The following ANO4 variants were observed in gnomAD, a reference collection of about 807,000 sequenced individuals.
The protein encoded by ANO4 is anoctamin 4, also known as anoctamin-4.
ANO4 carries 69 observed loss-of-function variants against 141.9 expected under a neutral mutation model. The ratio of observed to expected loss-of-function variants is 0.49; its 90% CI spans 0.40 to 0.59. The LOEUF (loss-of-function observed/expected upper bound fraction) is 0.59, where lower values mean the gene tolerates loss of function less well. Among genes scored for constraint, ANO4 ranks in the 20% least tolerant of loss-of-function variants. The probability of loss-of-function intolerance (pLI) is 0.00; values close to 1 mark genes in which losing one functional copy is unlikely to be tolerated. For missense variants in ANO4, 894 were observed against 1,162.2 expected, an observed-to-expected ratio of 0.77 and a Z score of 3.36; for synonymous variants, 350 against 394.3, an observed-to-expected ratio of 0.89 and a Z score of 1.33.
In ANO4 at chr12:100,823,672, T is replaced by C. The variant is rs563790588; in HGVS notation, c.-141+28645T>C. Among the ~76,000 whole-genome samples the C allele has an allele frequency of 3.9e-5, 6 of 152,194 alleles. No homozygotes were observed. The South Asian group carries it at 1.2e-3, about 32-fold the overall frequency. On this transcript the variant is annotated intron_variant, in intron 1 of 27. Coordinates refer to ENST00000392977, the MANE Select transcript of ANO4 (RefSeq NM_001286615.2). ...GTATAAGCCAGTAAATCTATTTTTT[T>C]CATAAATGTCCTATCATGTTTTTCC... is the stretch of plus-strand genomic sequence containing the variant.
Position 101,101,639 on chromosome 12 carries a change from G to A in ANO4, c.2149+1919G>A, listed in dbSNP as rs984659678. 5.3e-5 allele frequency among the ~76,000 whole-genome samples: 8 copies of A among 151,750 alleles called. No homozygotes were observed. The East Asian group carries it at 7.7e-4, about 15-fold the overall frequency. On this transcript the variant is annotated intron_variant, in intron 22 of 27. Transcript: ENST00000392977. Reference sequence around the variant, plus strand: ...AGCACTCTAAATAATAATATGCTAGGTAACTGCATTTTAACAAAAGCAAAG... The same window carrying A: ...AGCACTCTAAATAATAATATGCTAGATAACTGCATTTTAACAAAAGCAAAG...
intron 5 of ANO4, among the ~76,000 whole-genome samples, chr12:100,966,127 C>T (rs975319621): frequency 1.3e-5 from 2 of 152,048 alleles, no homozygotes; most frequent in African/African-American, 4.8e-5. Flanking sequence ...TAAATCCTTC[C>T]AAAATACTGG....
chr12:101,081,602 G>A (rs1252776765), intron 15 of ANO4, among the ~76,000 whole-genome samples: 1 of 152,116 alleles, frequency 6.6e-6, no homozygotes, highest in African/African-American at 2.4e-5. Flanking sequence ...ACCCAGACTC[G>A]CTGCAGACCT....
chr12:101,036,111 A>G (rs1370142916), intron 9 of ANO4, among the ~76,000 whole-genome samples: 1 of 152,320 alleles, frequency 6.6e-6, no homozygotes, highest in East Asian at 1.9e-4. Flanking sequence ...AAGGTGCTCA[A>G]TATCACTAAT....
intron 1 of ANO4, among the ~76,000 whole-genome samples, chr12:100,835,715 A>G (rs1047742359): frequency 4.6e-5 from 7 of 152,134 alleles, no homozygotes; most frequent in African/African-American, 1.7e-4. Context: ...AAGGAACACC[A>G]AAATGTAAAA....
intron 8 of ANO4, among the ~76,000 whole-genome samples, chr12:101,018,661 A>G (rs1440381313): frequency 6.6e-6 from 1 of 152,144 alleles, no homozygotes; most frequent in Non-Finnish European, 1.5e-5. Flanking sequence ...CACATCATAA[A>G]TTACCATGAC....
At chr12:100,970,074 G>A (rs538451448) in intron 5 of ANO4, among the ~76,000 whole-genome samples, 1 of 152,184 alleles carries the variant, frequency 6.6e-6, no homozygotes, top group East Asian at 1.9e-4. Flanking sequence ...CCTGAAGGAG[G>A]CAAAGGTCTT....
chr12:101,029,965 C>T (rs2046909463), intron 9 of ANO4, among the ~76,000 whole-genome samples: 1 of 147,776 alleles, frequency 6.8e-6, no homozygotes, highest in African/African-American at 2.5e-5. Context: ...TACAGAAGCA[C>T]CCAGATTCAT....
intron 5 of ANO4, among the ~76,000 whole-genome samples, chr12:100,962,423 G>A (rs748991453): frequency 7.2e-5 from 11 of 151,996 alleles, no homozygotes; most frequent in Admixed American, 5.2e-4. Context: ...GTTTTATATC[G>A]CGGCTGAAGA....
intron 1 of ANO4, among the ~76,000 whole-genome samples, chr12:100,845,148 GT>G (rs2135825957): frequency 6.6e-6 from 1 of 152,294 alleles, no homozygotes; most frequent in Admixed American, 6.5e-5. Context: ...AGTGTTTTGA[GT>G]GGGGTGTAGG....
intron 14 of ANO4, among the ~76,000 whole-genome samples, chr12:101,049,365 C>G (rs2047764404): frequency 6.6e-6 from 1 of 152,152 alleles, no homozygotes; most frequent in Non-Finnish European, 1.5e-5. Flanking sequence ...AGATGTCTTT[C>G]TCCTTTGAAT....
chr12:101,060,748 C>A (rs1404513982), intron 14 of ANO4, among the ~76,000 whole-genome samples: 1 of 151,982 alleles, frequency 6.6e-6, no homozygotes, highest in Non-Finnish European at 1.5e-5. Flanking sequence ...TTCTCCATCC[C>A]TTTATTTTGA....
chr12:100,924,689 ATTACT>A (rs1248051682), intron 3 of ANO4, among the ~76,000 whole-genome samples: 2 of 152,076 alleles, frequency 1.3e-5, no homozygotes, highest in East Asian at 1.9e-4. Flanking sequence ...AAATTATGTA[ATTACT>A]TCACTTGATT....
chr12:100,963,298 A>G (rs1279376262), intron 5 of ANO4, among the ~76,000 whole-genome samples: 2 of 152,180 alleles, frequency 1.3e-5, no homozygotes, highest in Non-Finnish European at 2.9e-5. Flanking sequence ...GTAGAATGAG[A>G]CTAGAGCCTG....
intron 5 of ANO4, among the ~76,000 whole-genome samples, chr12:100,944,482 G>A (rs2042637659): frequency 6.6e-6 from 1 of 152,084 alleles, no homozygotes; most frequent in Non-Finnish European, 1.5e-5. Context: ...ACTTATCTAA[G>A]CATTTCCCCC....
At chr12:100,966,704 GTCTGTC>G (rs1015482350) in intron 5 of ANO4, among the ~76,000 whole-genome samples, 17 of 151,806 alleles carry the variant, frequency 1.1e-4, no homozygotes, top group African/African-American at 3.9e-4. Context: ...CCCAAACCTG[GTCTGTC>G]TCTATTTCCT....
intron 3 of ANO4, among the ~76,000 whole-genome samples, chr12:100,779,465 AT>A (rs1432684512): frequency 6.6e-6 from 1 of 152,172 alleles, no homozygotes; most frequent in Non-Finnish European, 1.5e-5. Flanking sequence ...CTTCTTGGCA[AT>A]TTCTTTTTTA....
At chr12:100,908,491 A>AATAT (rs1291133722) in intron 2 of ANO4, among the ~76,000 whole-genome samples, 2 of 152,254 alleles carry the variant, frequency 1.3e-5, no homozygotes, top group Non-Finnish European at 2.9e-5. Context: ...AATTATAATT[A>AATAT]AGAAAAAAAT....
intron 12 of ANO4, 107 bp from the exon 13 acceptor site, chr12:101,043,432 C>G: frequency 1.3e-6 from 1 of 755,866 alleles, no homozygotes; most frequent in Non-Finnish European, 2.2e-6. Flanking sequence ...CTTCTAAGGG[C>G]AAACATTTAA....
Sources: allele counts gnomAD v4.1 joint callset (sites outside exome capture counted in the v4.1 genomes callset), GRCh38; gene constraint gnomAD v4.1.1; transcripts MANE v1.5; gene names NCBI Gene and HGNC (gene_info 2026-07-23, HGNC 2026-07-21).